CCDC183: variants seen among roughly 807,000 people sequenced by gnomAD.
CCDC183 encodes the protein coiled-coil domain containing 183, also known as coiled-coil domain-containing protein 183.
In CCDC183, 63 loss-of-function variants were observed where a neutral mutation model predicts 65.2. The ratio of observed to expected loss-of-function variants is 0.97; its 90% CI spans 0.79 to 1.19. The LOEUF (loss-of-function observed/expected upper bound fraction) is 1.19, where lower values mean the gene tolerates loss of function less well. CCDC183 is among the 50% of genes most tolerant of loss of function. The pLI, the probability that CCDC183 is intolerant of heterozygous loss-of-function variation, is 0.00. For missense variants in CCDC183, 769 were observed against 689.3 expected (o/e 1.12, Z -1.30); for synonymous variants, 323 against 276.5 (o/e 1.17, Z -1.67).
At chr9:136,805,557 G>T in intron 9 of CCDC183, 100 bp downstream of exon 9, 5 of 1,082,454 alleles carry the variant, frequency 4.6e-6, no homozygotes, top group Non-Finnish European at 6.8e-6. Context: ...CAGGAGGGTG[G>T]CTGAGCTGGG....
Position 136,806,176 on chromosome 9 carries a change from G to A in CCDC183, c.1047G>A (p.Leu349=). 6.4e-7 allele frequency: 1 copy of A among 1,558,600 alleles called. No individual in the cohort carries two copies. The highest frequency in any genetic ancestry group is 8.7e-7 in the Non-Finnish European group (1 of 1,151,058). Residue 349 remains leucine, a synonymous_variant, in exon 10 of 14, where the codon CTG becomes CTA. Transcript: ENST00000338005. ...AGTGGCGGGTGCAGCTGAAGGCCCT[G>A]GTGAAGCAGCTGGAGCTGGAGGAGG... ...CEEWRVQLKA[L]VKQLELEEAV... is the part of the protein sequence containing the mutation.
At chr9:136,803,812 A>C (rs1847792725) in intron 6 of CCDC183, 1 of 154,806 alleles carries the variant, frequency 6.5e-6, no homozygotes, top group Non-Finnish European at 1.4e-5. Flanking sequence ...TGGCCAGGGC[A>C]GTGGAGGCTG....
In CCDC183 at chr9:136,806,778, A is replaced by G; in HGVS notation, c.1300A>G (p.Thr434Ala). The G allele has an allele frequency of 1.2e-6, 2 of 1,613,414 alleles. No homozygotes were observed. ...ATQREVVLSN[T>A]LDLNSKLAYC... ...ACAGAGAGAAGTGGTGCTCTCCAACACCCTCGATTTGAACAGCAAGCTGGC... is the reference window on the plus strand; with the variant it reads ...ACAGAGAGAAGTGGTGCTCTCCAACGCCCTCGATTTGAACAGCAAGCTGGC... Residue 434 changes from threonine to alanine, a missense_variant, in exon 12 of 14, where the codon ACC becomes GCC. Coordinates refer to ENST00000338005, the MANE Select transcript of CCDC183 (RefSeq NM_001039374.5).
chr9:136,807,295 TGCCAGACGGGCCCGGAGGAGAG>T (rs1309859831), intron 13 of CCDC183: 1 of 636,878 alleles, frequency 1.6e-6, no homozygotes, highest in Non-Finnish European at 2.7e-6. Flanking sequence ...AGGCATGCCA[TGCCAGACGGGCCCGGAGGAGAG>T]GCACCAGGGC....
Position 136,802,775 on chromosome 9 carries a change from G to T in CCDC183, c.655G>T (p.Asp219Tyr). Residue 219 changes from aspartate to tyrosine, a missense_variant, in exon 6 of 14, where the codon GAT becomes TAT. By Grantham distance (160) the Asp-to-Tyr change is radical. Coordinates refer to ENST00000338005, the MANE Select transcript of CCDC183 (RefSeq NM_001039374.5). ...IMSQDAMMIT[D>Y]EVKRNMRQRE... ...GTCCCAAGATGCCATGATGATCACG[G>T]ATGAGGTCAAGGTGAGCTCAGGGCC... 1 of 1,611,232 alleles carries T rather than the reference G, an allele frequency of 6.2e-7. No individual in the cohort carries two copies. Among genetic ancestry groups the T allele is most frequent in the Non-Finnish European group, 8.5e-7 (1 of 1,178,804 alleles).
Position 136,805,432 on chromosome 9 carries a change from G to C in CCDC183, c.923G>C (p.Ser308Thr), listed in dbSNP as rs776833927. Residue 308 changes from serine to threonine, a missense_variant, in exon 9 of 14, where the codon AGT becomes ACT. Coordinates refer to ENST00000338005, the MANE Select transcript of CCDC183 (RefSeq NM_001039374.5). ...ACTGCTGTGGTGGAGAAGGTCAAGA[G>C]TGCTGTACGGTGCTCTCACGTCTGG... ...GVTAVVEKVK[S>T]AVRCSHVWDI... 1 of 1,614,052 alleles carries C rather than the reference G, an allele frequency of 6.2e-7. No individual in the cohort carries two copies. Among genetic ancestry groups the C allele is most frequent in the East Asian group, 2.2e-5 (1 of 44,874 alleles).
intron 2 of CCDC183, 61 bp from the exon 3 acceptor site, chr9:136,799,652 G>A: frequency 6.9e-7 from 1 of 1,443,218 alleles, no homozygotes; most frequent in Non-Finnish European, 9.7e-7. Context: ...AATGCCTGGA[G>A]GAGCCAGCGG....
rs531314022 is a variant in CCDC183 at position 136,807,241 on chromosome 9, G to A, written c.1486+175G>A. ...AGGTGACTTAGTGATGCCATGGGGAGGCTAAAGCCACTGAAATACCTTGTT... is the reference window on the plus strand; with the variant it reads ...AGGTGACTTAGTGATGCCATGGGGAAGCTAAAGCCACTGAAATACCTTGTT... On this transcript the variant is annotated intron_variant, in intron 13 of 13. Transcript: ENST00000338005. 53 of 659,198 alleles carry A rather than the reference G, an allele frequency of 8.0e-5. No homozygotes were observed. In the South Asian group the frequency reaches 9.9e-4, roughly 12 times the overall value. The allele number at this position is 659,198 out of a possible 1,614,324, so 40.8% of individuals were successfully genotyped here.
intron 13 of CCDC183, chr9:136,807,360 C>T: frequency 1.4e-6 from 1 of 707,380 alleles, no homozygotes; most frequent in Non-Finnish European, 2.3e-6. Context: ...AAGGCCTGGG[C>T]CGGAGCTTCC....
chr9:136,807,675 G>T lies in CCDC183; in HGVS notation c.1590G>T (p.Lys530Asn), dbSNP rs758337931. The T allele has an allele frequency of 9.4e-6, 15 of 1,601,782 alleles. No homozygotes were observed. In the African/African-American group the frequency reaches 1.9e-4, roughly 20 times the overall value. The change falls in exon 14 of 14, where the codon AAG (lysine) becomes AAT (asparagine). Residue 530 changes from lysine (K) to asparagine (N), a missense_variant. Coordinates refer to ENST00000338005, the MANE Select transcript of CCDC183 (RefSeq NM_001039374.5). The part of the protein sequence containing the change: ...RLIEGKLKAA[K>N]KKKK ...TCGAGGGGAAGCTCAAGGCGGCCAAGAAAAAGAAGAAGTAGCCCCGCCGCC... is the reference window on the plus strand; with the variant it reads ...TCGAGGGGAAGCTCAAGGCGGCCAATAAAAAGAAGAAGTAGCCCCGCCGCC...
chr9:136,799,562 G>C (rs1355218739), intron 2 of CCDC183, 151 bp from the exon 3 acceptor site: 1 of 733,092 alleles, frequency 1.4e-6, no homozygotes, highest in African/African-American at 1.8e-5. Context: ...GGCCAGGATG[G>C]GGTCCCGCGG....
chr9:136,806,505 T>G lies in CCDC183; in HGVS notation c.1111T>G (p.Phe371Val). Residue 371 changes from phenylalanine to valine, a missense_variant and splice_region_variant, in exon 11 of 14, where the codon TTC becomes GTC. Physicochemically the swap from Phe to Val is conservative, Grantham distance 50. Coordinates refer to ENST00000338005, the MANE Select transcript of CCDC183 (RefSeq NM_001039374.5). The part of the protein sequence containing the change: ...KFRQKPSSIS[F>V]KSVEKKMTDM... The stretch of plus-strand genomic sequence containing the variant: ...CTGTGTCCCTATTGCCTTCTGCAGC[T>G]TCAAGTCCGTTGAGAAGAAAATGAC... The G allele has an allele frequency of 2.5e-6, 4 of 1,613,350 alleles. No individual in the cohort carries two copies. The highest frequency in any genetic ancestry group is 3.4e-6 in the Non-Finnish European group (4 of 1,180,020).
At chr9:136,800,231 C>T (rs1218492514) in intron 4 of CCDC183, 62 bp downstream of exon 4, 4 of 119,634 alleles carry the variant, frequency 3.3e-5, no homozygotes, top group Admixed American at 4.1e-4. Flanking sequence ...ACGGGAGGGG[C>T]GGGGCCACCG....
At position 136,796,462 on chromosome 9, in the gene CCDC183, T is replaced by A. The variant is rs1476979572; in HGVS notation, c.65T>A (p.Leu22His). The A allele has an allele frequency of 1.9e-6, 3 of 1,563,016 alleles. No homozygotes were observed. Among genetic ancestry groups the A allele is most frequent in the Non-Finnish European group, 2.6e-6 (3 of 1,152,376 alleles). ...QTQELKTITQ[L>H]QEQCRALQIQ... is the part of the protein sequence containing the mutation. Reference sequence around the variant, plus strand: ...CAGGAGCTGAAGACCATCACTCAGCTCCAGGGTGAGCCTGCACCGCCGTGA... The same window carrying A: ...CAGGAGCTGAAGACCATCACTCAGCACCAGGGTGAGCCTGCACCGCCGTGA... The change falls in exon 1 of 14, where the codon CTC (leucine) becomes CAC (histidine). Residue 22 changes from leucine (L) to histidine (H), a missense_variant. Leu to His is a moderately conservative substitution (Grantham distance 99). Transcript: ENST00000338005.
At position 136,799,535 on chromosome 9, in the gene CCDC183, C is replaced by A. The variant is rs777372418; in HGVS notation, c.193-178C>A. ...TCCTCTGCATACCCCCCTACCACGT[C>A]GCCTCCGAACTTGGATGGCCAGGAT... On this transcript the variant is annotated intron_variant, in intron 2 of 13. Transcript: ENST00000338005. The A allele has an allele frequency of 1.5e-3, 1,000 of 683,046 alleles. 3 individuals carry two copies. Among genetic ancestry groups the A allele is most frequent in the Admixed American group, 4.1e-3 (149 of 36,654 alleles). The allele number at this position is 683,046 out of a possible 1,614,324, so 42.3% of individuals were successfully genotyped here. A position where few individuals can be genotyped will look rare whatever the true frequency, so the allele number is the denominator to read the frequency against.
Position 136,807,684 on chromosome 9 carries a change from G to C in CCDC183, c.1599G>C (p.Lys533Asn). The C allele has an allele frequency of 6.3e-7, 1 of 1,599,418 alleles. No individual in the cohort carries two copies. Among genetic ancestry groups the C allele is most frequent in the East Asian group, 2.3e-5 (1 of 44,088 alleles). ...EGKLKAAKKK[K>N]K ...AGCTCAAGGCGGCCAAGAAAAAGAAGAAGTAGCCCCGCCGCCCCGCTCCCT... is the reference window on the plus strand; with the variant it reads ...AGCTCAAGGCGGCCAAGAAAAAGAACAAGTAGCCCCGCCGCCCCGCTCCCT... Residue 533 changes from lysine to asparagine, a missense_variant, in exon 14 of 14, where the codon AAG (lysine) becomes AAC (asparagine). Physicochemically the swap from Lys to Asn is moderately conservative, Grantham distance 94. Coordinates refer to ENST00000338005, the MANE Select transcript of CCDC183 (RefSeq NM_001039374.5).
chr9:136,806,294 G>C, intron 10 of CCDC183, 56 bp downstream of exon 10: 3 of 1,535,384 alleles, frequency 2.0e-6, no homozygotes, highest in Non-Finnish European at 2.6e-6. Flanking sequence ...AAAGGCCCCG[G>C]GCTGCAGCCA....
intron 6 of CCDC183, among the ~76,000 whole-genome samples, chr9:136,803,518 T>C (rs1588333733): frequency 6.6e-6 from 1 of 151,120 alleles, no homozygotes; most frequent in Non-Finnish European, 1.5e-5. Context: ...TGTGCCAAGG[T>C]CCCTGCAAGG....
intron 5 of CCDC183, 44 bp downstream of exon 5, chr9:136,800,537 T>A: frequency 7.5e-7 from 1 of 1,333,214 alleles, no homozygotes; most frequent in Non-Finnish European, 1.1e-6. Flanking sequence ...GGGGCTGGGA[T>A]CTGGGAGGGG....
Sources: allele counts gnomAD v4.1 joint callset (sites outside exome capture counted in the v4.1 genomes callset), GRCh38; gene constraint gnomAD v4.1.1; transcripts MANE v1.5; gene names NCBI Gene and HGNC (gene_info 2026-07-23, HGNC 2026-07-21).